The following MAP1LC3B variants were observed in gnomAD, a reference collection of about 807,000 sequenced individuals.
The protein encoded by MAP1LC3B is microtubule-associated protein 1 light chain 3 beta.
MAP1LC3B carries 12 observed loss-of-function variants against 16.7 expected under a neutral mutation model. The ratio of observed to expected loss-of-function variants is 0.72; its 90% CI spans 0.46 to 1.16. The LOEUF is 1.16. Ranked by LOEUF, MAP1LC3B falls within the 50% of genes most tolerant of loss-of-function variation. The pLI, the probability that MAP1LC3B is intolerant of heterozygous loss-of-function variation, is 0.00. For synonymous variants in MAP1LC3B, 63 were observed against 56.5 expected, an observed-to-expected ratio of 1.11 and a Z score of -0.51; for missense variants, 155 against 159.5, an observed-to-expected ratio of 0.97 and a Z score of 0.15.
At chr16:87,398,560 C>G (rs1907882484) in intron 1 of MAP1LC3B, among the ~76,000 whole-genome samples, 1 of 152,214 alleles carries the variant, frequency 6.6e-6, no homozygotes, top group Non-Finnish European at 1.5e-5. Flanking sequence ...TTCCTTGAAA[C>G]TAGTTGTCCC....
chr16:87,392,711 C>G (rs1907635054), intron 1 of MAP1LC3B: 1 of 193,876 alleles, frequency 5.2e-6, no homozygotes, highest in Admixed American at 6.3e-5. Context: ...TCTCGGAGGC[C>G]TGGGAGGAGG....
chr16:87,402,995 C>T lies in MAP1LC3B; in HGVS notation c.276C>T (p.Ser92=). 2.5e-6 allele frequency: 4 copies of T among 1,614,038 alleles called. No homozygotes were observed. Among genetic ancestry groups the T allele is most frequent in the Non-Finnish European group, 3.4e-6 (4 of 1,179,922 alleles). Residue 92 remains serine, a synonymous_variant, in exon 4 of 4, where the codon TCC becomes TCT. Transcript: ENST00000268607. ...LVNGHSMVSV[S]TPISEVYESE... is the part of the protein sequence containing the mutation. ...ACGGACACAGCATGGTCAGCGTCTC[C>T]ACACCAATCTCAGAGGTGTATGAGA...
Position 87,403,123 on chromosome 16 carries a change from G to A in MAP1LC3B, c.*26G>A. 6.3e-7 allele frequency: 1 copy of A among 1,576,864 alleles called. No homozygotes were observed. The highest frequency in any genetic ancestry group is 8.6e-7 in the Non-Finnish European group (1 of 1,166,068). ...AACCAGAAAAAATGCAGCTCTTCTA[G>A]AATTGTTTAAACCCTTACCAAGGAA... On this transcript the variant is annotated 3_prime_UTR_variant, in exon 4 of 4. Coordinates refer to ENST00000268607, the MANE Select transcript of MAP1LC3B (RefSeq NM_022818.5).
chr16:87,398,923 C>T (rs554105854), intron 2 of MAP1LC3B, 53 bp downstream of exon 2: 15 of 1,479,586 alleles, frequency 1.0e-5, no homozygotes, highest in African/African-American at 4.1e-5. Context: ...GAGGAGAGCA[C>T]CGCATAAGTG....
chr16:87,399,717 CAA>C (rs1417645363), intron 2 of MAP1LC3B: 3 of 385,172 alleles, frequency 7.8e-6, no homozygotes, highest in South Asian at 3.8e-5. Flanking sequence ...TAAAAAAAAA[CAA>C]AATATTTTGC....
intron 1 of MAP1LC3B, chr16:87,392,856 C>T (rs1045774281): frequency 3.3e-5 from 5 of 151,944 alleles, no homozygotes; most frequent in African/African-American, 1.2e-4. Context: ...GGGCGAGGGT[C>T]GCGCTTCTGG....
chr16:87,401,933 C>T (rs563147150), intron 2 of MAP1LC3B, among the ~76,000 whole-genome samples: 20 of 152,046 alleles, frequency 1.3e-4, no homozygotes, highest in Middle Eastern at 6.8e-3. Context: ...CCCGGGTTCA[C>T]GCCATTCTCC....
At chr16:87,393,467 A>G (rs968497733) in intron 1 of MAP1LC3B, 2 of 152,212 alleles carry the variant, frequency 1.3e-5, no homozygotes, top group African/African-American at 2.4e-5. Context: ...CCCGGAGTCT[A>G]GAAAGAGTTT....
chr16:87,392,650 A>T lies in MAP1LC3B; in HGVS notation c.40+183A>T, dbSNP rs72628299. The T allele has an allele frequency of 2.0e-5, 8 of 394,324 alleles. 1 individual carries two copies. Among genetic ancestry groups the T allele is most frequent in the African/African-American group, 1.3e-4 (6 of 45,948 alleles). 24.4% of individuals were successfully genotyped at this position (394,324 alleles called of 1,614,324 possible). Reference sequence around the variant, plus strand: ...GGCCCCGTGAGGGACCCAGGCCGGGACCGAGCCGGGAGGGCCAGGGGCTGG... The same window carrying T: ...GGCCCCGTGAGGGACCCAGGCCGGGTCCGAGCCGGGAGGGCCAGGGGCTGG... On this transcript the variant is annotated intron_variant, in intron 1 of 3. Coordinates refer to ENST00000268607, the MANE Select transcript of MAP1LC3B (RefSeq NM_022818.5).
chr16:87,392,585 G>C, intron 1 of MAP1LC3B, 118 bp downstream of exon 1: 1 of 998,438 alleles, frequency 1.0e-6, no homozygotes, highest in Non-Finnish European at 1.3e-6. Context: ...AGCGGGGCCG[G>C]TGGCTGCCGG....
intron 2 of MAP1LC3B, among the ~76,000 whole-genome samples, chr16:87,401,274 G>T (rs758042519): frequency 2.0e-5 from 3 of 152,082 alleles, no homozygotes; most frequent in Non-Finnish European, 4.4e-5. Context: ...TTCTGACTAG[G>T]TATGTATTTT....
intron 1 of MAP1LC3B, chr16:87,392,865 G>C (rs1349574534): frequency 6.6e-6 from 1 of 151,942 alleles, no homozygotes; most frequent in Non-Finnish European, 1.5e-5. Context: ...TCGCGCTTCT[G>C]GGGCCCAACA....
chr16:87,397,855 T>C (rs1334277846), intron 1 of MAP1LC3B, among the ~76,000 whole-genome samples: 3 of 152,062 alleles, frequency 2.0e-5, no homozygotes, highest in South Asian at 2.1e-4. Context: ...TGTTCACATA[T>C]TGCCTTTTTT....
At chr16:87,397,275 C>G (rs1241714936) in intron 1 of MAP1LC3B, among the ~76,000 whole-genome samples, 2 of 152,122 alleles carry the variant, frequency 1.3e-5, no homozygotes, top group Non-Finnish European at 2.9e-5. Flanking sequence ...AGAAGTCGAA[C>G]TTATGGCTGT....
chr16:87,398,184 G>A (rs535081751), intron 1 of MAP1LC3B, among the ~76,000 whole-genome samples: 5 of 151,900 alleles, frequency 3.3e-5, no homozygotes, highest in African/African-American at 7.3e-5. Flanking sequence ...CATCACGCCC[G>A]GCTAATTTTT....
At position 87,392,366 on chromosome 16, in the gene MAP1LC3B, G is replaced by A. The variant is rs1227879067; in HGVS notation, c.-62G>A. 2.9e-5 allele frequency: 39 copies of A among 1,367,714 alleles called. No homozygotes were observed. In the South Asian group the frequency reaches 3.4e-4, roughly 12 times the overall value. The allele number at this position is 1,367,714 out of a possible 1,614,324, so 84.7% of individuals were successfully genotyped here. On this transcript the variant is annotated 5_prime_UTR_variant, in exon 1 of 4. Coordinates refer to ENST00000268607, the MANE Select transcript of MAP1LC3B (RefSeq NM_022818.5). ...CGGATTCGCCGCCGCAGCAGCCGCC[G>A]CCCCCGGGAGCCGCCGGGACCCTCG... is the stretch of plus-strand genomic sequence containing the variant.
rs1050796395 is a variant in MAP1LC3B at position 87,404,509 on chromosome 16, C to G, written c.*1412C>G. 3.3e-5 allele frequency: 5 copies of G among 152,052 alleles called. No individual in the cohort carries two copies. Among genetic ancestry groups the G allele is most frequent in the East Asian group, 1.9e-4 (1 of 5,180 alleles). The allele number at this position is 152,052 out of a possible 1,614,324, so 9.4% of individuals were successfully genotyped here. A position where few individuals can be genotyped will look rare whatever the true frequency, so the allele number is the denominator to read the frequency against. ...TCCCCCCACCCCCGCATGCGTCTGTCCACTTGGCTAACTTTTAATATGTGT... is the reference window on the plus strand; with the variant it reads ...TCCCCCCACCCCCGCATGCGTCTGTGCACTTGGCTAACTTTTAATATGTGT... On this transcript the variant is annotated 3_prime_UTR_variant, in exon 4 of 4. Transcript: ENST00000268607.
At chr16:87,399,756 G>C (rs912603205) in intron 2 of MAP1LC3B, 2 of 327,392 alleles carry the variant, frequency 6.1e-6, no homozygotes, top group Admixed American at 4.2e-5. Context: ...ATAGTGAGGA[G>C]CCAATGGATT....
intron 2 of MAP1LC3B, 51 bp downstream of exon 2, chr16:87,398,921 C>T (rs375951359): frequency 6.6e-7 from 1 of 1,516,450 alleles, no homozygotes; most frequent in Non-Finnish European, 9.2e-7. Context: ...CAGAGGAGAG[C>T]ACCGCATAAG....
Sources: gnomAD v4.1 joint callset for allele counts (sites outside exome capture counted in the v4.1 genomes callset) on GRCh38, gnomAD v4.1.1 for gene constraint, MANE v1.5 for transcripts, NCBI Gene and HGNC (gene_info 2026-07-23, HGNC 2026-07-21) for gene names.